The following HPCAL1 variants were observed in gnomAD, a reference collection of about 807,000 sequenced individuals.
HPCAL1 encodes hippocalcin like 1, also known as hippocalcin-like protein 1.
HPCAL1 carries 8 observed loss-of-function variants against 17.1 expected under a neutral mutation model. The observed-to-expected ratio is 0.47, with a 90% CI of 0.27 to 0.84. The LOEUF (loss-of-function observed/expected upper bound fraction) is 0.84, where lower values mean the gene tolerates loss of function less well. Among genes scored for constraint, HPCAL1 ranks in the 40% least tolerant of loss-of-function variants. The pLI is 0.13. For missense variants in HPCAL1, 165 were observed against 271.1 expected, an observed-to-expected ratio of 0.61 and a Z score of 2.75; for synonymous variants, 112 against 111.4, an observed-to-expected ratio of 1.01 and a Z score of -0.03.
At chr2:10,357,421 G>A (rs1666224973) in intron 1 of HPCAL1, among the ~76,000 whole-genome samples, 1 of 152,202 alleles carries the variant, frequency 6.6e-6, no homozygotes, top group Non-Finnish European at 1.5e-5. Flanking sequence ...TGGTGCTGAT[G>A]TGGGCCAGGG....
At position 10,323,716 on chromosome 2, in the gene HPCAL1, AG is replaced by A. The variant is rs1386916932; in HGVS notation, c.-111+20540del. Among the ~76,000 whole-genome samples the A allele has an allele frequency of 2.0e-5, 3 of 152,260 alleles. No individual in the cohort carries two copies. Among genetic ancestry groups the A allele is most frequent in the Non-Finnish European group, 2.9e-5 (2 of 68,050 alleles). ...CGCATGACCTCAGGTAATGAGAATT[AG>A]CCCACATCCATTCATTCCACAAATA... On this transcript the variant is annotated intron_variant, in intron 1 of 4. Transcript: ENST00000307845. This position sits in a 1 kb window ranked among gnomAD's most constrained non-coding sequence, Gnocchi z 4.6.
rs142632393 is a variant in HPCAL1, at chr2:10,389,685, C to T, written c.-110-7150C>T. On this transcript the variant is annotated intron_variant, in intron 1 of 4. Coordinates refer to ENST00000307845, the MANE Select transcript of HPCAL1 (RefSeq NM_002149.4). ...TCGTGTCTGACTTCACTGAACACTG[C>T]GGTTGTGAGACGCATCTGTTGTGTG... is the stretch of plus-strand genomic sequence containing the variant. Among the ~76,000 whole-genome samples the T allele has an allele frequency of 3.5e-3, 534 of 152,302 alleles. 2 individuals are homozygous for T. The highest frequency in any genetic ancestry group is 0.012 in the African/African-American group (505 of 41,564).
chr2:10,426,115 G>A (rs945112674), intron 4 of HPCAL1: 3 of 152,510 alleles, frequency 2.0e-5, no homozygotes, highest in Non-Finnish European at 4.4e-5. Flanking sequence ...GCCCAGTGTG[G>A]AGTCACCGAG....
intron 4 of HPCAL1, chr2:10,426,346 A>T: frequency 9.7e-6 from 2 of 206,910 alleles, no homozygotes; most frequent in South Asian, 1.6e-4. Flanking sequence ...CCCAACCAGC[A>T]TGGCCTTCTC....
rs114642749 is a variant in HPCAL1 at position 10,363,434 on chromosome 2, G to A, written c.-110-33401G>A. Among the ~76,000 whole-genome samples the A allele has an allele frequency of 0.043, 6,496 of 152,254 alleles. 510 individuals carry two copies. The highest frequency in any genetic ancestry group is 0.15 in the African/African-American group (6,055 of 41,492). On this transcript the variant is annotated intron_variant, in intron 1 of 4. Coordinates refer to ENST00000307845, the MANE Select transcript of HPCAL1 (RefSeq NM_002149.4). The surrounding 1 kb of genome is among the most constrained non-coding windows in gnomAD (Gnocchi z 4.7). ...CTTGGATCGACTGAAGAACCTCGGGGCTTTCTTGGCTGTTTGTAGGAGCTT... is the reference window on the plus strand; with the variant it reads ...CTTGGATCGACTGAAGAACCTCGGGACTTTCTTGGCTGTTTGTAGGAGCTT...
At chr2:10,309,470 A>T (rs958418345) in intron 1 of HPCAL1, among the ~76,000 whole-genome samples, 1 of 152,192 alleles carries the variant, frequency 6.6e-6, no homozygotes, top group African/African-American at 2.4e-5. Flanking sequence ...TAGTAATGAT[A>T]TGCCCTTTTA....
At chr2:10,336,338 CT>C (rs768386803) in intron 1 of HPCAL1, among the ~76,000 whole-genome samples, 1 of 152,280 alleles carries the variant, frequency 6.6e-6, no homozygotes, top group South Asian at 2.1e-4. Context: ...GAGACTAATC[CT>C]TTGTCAGTTC....
intron 1 of HPCAL1, among the ~76,000 whole-genome samples, chr2:10,322,344 A>G (rs985537156): frequency 2.0e-5 from 3 of 152,220 alleles, no homozygotes; most frequent in Admixed American, 6.5e-5. Flanking sequence ...TAGGGTGGTC[A>G]GAGAAGGTCT....
In HPCAL1 at chr2:10,384,331, A is replaced by G. The variant is rs1234774608; in HGVS notation, c.-110-12504A>G. Among the ~76,000 whole-genome samples, 1 of 152,000 alleles carries G rather than the reference A, an allele frequency of 6.6e-6. No individual in the cohort carries two copies. The highest frequency in any genetic ancestry group is 1.5e-5 in the Non-Finnish European group (1 of 67,960). ...CTTGTGGGAGGAGAGGGGTGGAGGG[A>G]GAGAACACCCTCCACACATCCCCGT... On this transcript the variant is annotated intron_variant, in intron 1 of 4. Coordinates refer to ENST00000307845, the MANE Select transcript of HPCAL1 (RefSeq NM_002149.4). This position sits in a 1 kb window ranked among gnomAD's most constrained non-coding sequence, Gnocchi z 4.4.
chr2:10,309,061 G>A (rs887369201), intron 1 of HPCAL1, among the ~76,000 whole-genome samples: 2 of 151,850 alleles, frequency 1.3e-5, no homozygotes, highest in African/African-American at 2.4e-5. Context: ...TTGAGATAGG[G>A]TCTTGCTCTG....
At chr2:10,400,976 C>T (rs1694748364) in intron 2 of HPCAL1, among the ~76,000 whole-genome samples, 1 of 152,242 alleles carries the variant, frequency 6.6e-6, no homozygotes, top group Non-Finnish European at 1.5e-5. Flanking sequence ...CCAGATCCCA[C>T]ATGAGCAAGA....
intron 1 of HPCAL1, among the ~76,000 whole-genome samples, chr2:10,386,204 T>C (rs1312003478): frequency 6.6e-6 from 1 of 152,126 alleles, no homozygotes; most frequent in Non-Finnish European, 1.5e-5. Flanking sequence ...TGGGCCACCA[T>C]GTTGATCCTC....
chr2:10,357,280 G>A (rs370923840), intron 1 of HPCAL1, among the ~76,000 whole-genome samples: 9 of 152,334 alleles, frequency 5.9e-5, no homozygotes, highest in African/African-American at 1.9e-4. Flanking sequence ...CAGCCACATG[G>A]CCTTCTCAAC....
chr2:10,381,774 C>T (rs1287836639), intron 1 of HPCAL1, among the ~76,000 whole-genome samples: 1 of 152,174 alleles, frequency 6.6e-6, no homozygotes, highest in Non-Finnish European at 1.5e-5. Flanking sequence ...GCACCAAATG[C>T]GAGGGAGGAT....
chr2:10,399,262 TCACCACCAC>T (rs1558517643), intron 2 of HPCAL1, among the ~76,000 whole-genome samples: 12 of 14,288 alleles, frequency 8.4e-4, no homozygotes, highest in African/African-American at 3.4e-3. Context: ...ACCACCACCA[TCACCACCAC>T]CACCACCATC....
intron 1 of HPCAL1, among the ~76,000 whole-genome samples, chr2:10,327,949 T>C (rs1291561527): frequency 1.3e-5 from 2 of 152,250 alleles, no homozygotes; most frequent in East Asian, 1.9e-4. Context: ...AGAAGCTTCA[T>C]GTATAAAGGC....
chr2:10,399,544 T>G lies in HPCAL1; in HGVS notation c.-25+2624T>G, dbSNP rs76767659. Among the ~76,000 whole-genome samples the G allele has an allele frequency of 5.1e-4, 10 of 19,676 alleles. 1 individual carries two copies. The East Asian group carries it at 0.015, about 30-fold the overall frequency. The allele number at this position is 19,676 out of a possible 152,430, so 12.9% of individuals were successfully genotyped here. A position where few individuals can be genotyped will look rare whatever the true frequency, so the allele number is the denominator to read the frequency against. On this transcript the variant is annotated intron_variant, in intron 2 of 4. Coordinates refer to ENST00000307845, the MANE Select transcript of HPCAL1 (RefSeq NM_002149.4). ...ACCACCGCCACTGCCACCGCCACCA[T>G]CACCGCCACCACTACCGCCACCGCC...
intron 2 of HPCAL1, among the ~76,000 whole-genome samples, chr2:10,411,559 C>T (rs1049064875): frequency 1.3e-5 from 2 of 152,204 alleles, no homozygotes; most frequent in African/African-American, 2.4e-5. Flanking sequence ...CGGGAATGAG[C>T]GACTCCCCTG....
intron 1 of HPCAL1, among the ~76,000 whole-genome samples, chr2:10,390,281 G>A (rs1668605724): frequency 6.6e-6 from 1 of 152,132 alleles, no homozygotes; most frequent in South Asian, 2.1e-4. Flanking sequence ...AGCCCACCCT[G>A]GTGGTCTCCT....
Sources: gnomAD v4.1 joint callset for allele counts (sites outside exome capture counted in the v4.1 genomes callset) on GRCh38, gnomAD v4.1.1 for gene constraint, Gnocchi (gnomAD v3.1) non-coding constraint, MANE v1.5 for transcripts, NCBI Gene and HGNC (gene_info 2026-07-23, HGNC 2026-07-21) for gene names.